Variants in NR5A2 observed in about 807,000 individuals in gnomAD.
The protein encoded by NR5A2 is CYP7A promoter-binding factor.
A neutral mutation model predicts 62.7 loss-of-function variants in NR5A2; 26 were observed. The ratio of observed to expected loss-of-function variants is 0.41; its 90% CI spans 0.30 to 0.58. NR5A2 has a LOEUF of 0.58. Ranked by LOEUF, NR5A2 falls within the 20% of genes least tolerant of loss-of-function variation. NR5A2 has a pLI of 0.22. For missense variants in NR5A2, 541 were observed against 669.1 expected (o/e 0.81, Z 2.11); for synonymous variants, 246 against 241.7 (o/e 1.02, Z -0.16).
chr1:200,167,734 G>A (rs1653971236), intron 7 of NR5A2, among the ~76,000 whole-genome samples: 1 of 152,108 alleles, frequency 6.6e-6, no homozygotes, highest in African/African-American at 2.4e-5. Context: ...CTCCACAAAG[G>A]CTGAGCTGTT....
chr1:200,159,391 T>G (rs1219310828), intron 7 of NR5A2, among the ~76,000 whole-genome samples: 2 of 152,052 alleles, frequency 1.3e-5, no homozygotes, highest in Non-Finnish European at 2.9e-5. Flanking sequence ...ACCAACTCAT[T>G]GCAAAGATGT....
At position 200,061,087 on chromosome 1, in the gene NR5A2, C is replaced by T. The variant is rs1219570023; in HGVS notation, c.1110+12269C>T. ...GTGAGCCAAGATTTGCGCCACTGTG[C>T]TCTAGCCTGGCCAACAGAGCAAAAC... On this transcript the variant is annotated intron_variant, in intron 5 of 7. Transcript: ENST00000367362. Among the ~76,000 whole-genome samples the T allele has an allele frequency of 9.2e-5, 13 of 141,514 alleles. No homozygotes were observed. The Admixed American group carries it at 9.5e-4, about 10-fold the overall frequency. The allele number at this position is 141,514 out of a possible 152,430, so 92.8% of individuals were successfully genotyped here.
intron 6 of NR5A2, among the ~76,000 whole-genome samples, chr1:200,114,065 C>G (rs941588001): frequency 1.3e-5 from 2 of 152,006 alleles, no homozygotes; most frequent in African/African-American, 4.8e-5. Flanking sequence ...CGTCTGTGGT[C>G]CCAGCTACTT....
chr1:200,160,654 C>G (rs1157163947), intron 7 of NR5A2, among the ~76,000 whole-genome samples: 4 of 151,852 alleles, frequency 2.6e-5, no homozygotes, highest in Non-Finnish European at 5.9e-5. Context: ...CCACAGCGCT[C>G]TCTTGTAAAT....
rs3790841 is a variant in NR5A2, at chr1:200,046,755, C to T, written c.463+1171C>T. 4.6e-5 allele frequency among the ~76,000 whole-genome samples: 7 copies of T among 152,284 alleles called. No individual in the cohort carries two copies. The East Asian group carries it at 1.4e-3, about 29-fold the overall frequency. On this transcript the variant is annotated intron_variant, in intron 4 of 7. Coordinates refer to ENST00000367362, the MANE Select transcript of NR5A2 (RefSeq NM_205860.3). ...AAAATATTGTGGTAGATGCTTACTA[C>T]ATACAGTAAGAGACTCAGAAGATAA...
chr1:200,080,882 A>G (rs1664262160), intron 5 of NR5A2, among the ~76,000 whole-genome samples: 1 of 152,220 alleles, frequency 6.6e-6, no homozygotes, highest in Admixed American at 6.5e-5. Context: ...CCCTATTCAT[A>G]TTGCCCTCAG....
At chr1:200,127,709 A>ATATAT (rs59916867) in intron 7 of NR5A2, among the ~76,000 whole-genome samples, 1 of 23,184 alleles carries the variant, frequency 4.3e-5, no homozygotes, top group Non-Finnish European at 7.1e-5. Flanking sequence ...AAAAAAAAAA[A>ATATAT]ATATATATAT....
rs191668070 is a variant in NR5A2 at position 200,135,310 on chromosome 1, C to T, written c.1378+14355C>T. 4.6e-3 allele frequency among the ~76,000 whole-genome samples: 703 copies of T among 152,236 alleles called. 11 individuals are homozygous for T. Among genetic ancestry groups the T allele is most frequent in the South Asian group, 0.019 (92 of 4,828 alleles). ...CCGAGGCAGGTGGATCACCTGAGGTCGCGAGTTCGAGACCAGCCTAGCCAA... is the reference window on the plus strand; with the variant it reads ...CCGAGGCAGGTGGATCACCTGAGGTTGCGAGTTCGAGACCAGCCTAGCCAA... On this transcript the variant is annotated intron_variant, in intron 7 of 7. Transcript: ENST00000367362.
chr1:200,052,804 C>G (rs961170491), intron 5 of NR5A2, among the ~76,000 whole-genome samples: 3 of 151,876 alleles, frequency 2.0e-5, no homozygotes, highest in East Asian at 3.9e-4. Flanking sequence ...ACCACGCCGG[C>G]TAATTTTTTG....
intron 7 of NR5A2, among the ~76,000 whole-genome samples, chr1:200,132,718 T>C (rs370141440): frequency 7.9e-5 from 12 of 152,328 alleles, no homozygotes; most frequent in African/African-American, 2.6e-4. Context: ...CATGTGCTCT[T>C]GGTTGATGTT....
chr1:200,139,862 A>G (rs1478902152), intron 7 of NR5A2, among the ~76,000 whole-genome samples: 1 of 152,220 alleles, frequency 6.6e-6, no homozygotes. Context: ...ACTATAGTAT[A>G]TATCAATGCA....
intron 7 of NR5A2, among the ~76,000 whole-genome samples, chr1:200,131,209 T>A (rs1183790370): frequency 6.6e-6 from 1 of 152,082 alleles, no homozygotes; most frequent in Admixed American, 6.5e-5. Flanking sequence ...TTGTCTTAAT[T>A]AAATGCAGTA....
chr1:200,054,858 C>T (rs1418556057), intron 5 of NR5A2, among the ~76,000 whole-genome samples: 3 of 151,890 alleles, frequency 2.0e-5, no homozygotes, highest in African/African-American at 7.3e-5. Context: ...ATTGAATCTG[C>T]CCCAATTTTA....
intron 5 of NR5A2, among the ~76,000 whole-genome samples, chr1:200,055,732 CAAAG>C (rs1179955647): frequency 2.0e-5 from 3 of 152,056 alleles, no homozygotes; most frequent in African/African-American, 4.8e-5. Flanking sequence ...AAGGATGACA[CAAAG>C]AAAATAAACA....
At position 200,039,742 on chromosome 1, in the gene NR5A2, T is replaced by C; in HGVS notation, c.149T>C (p.Leu50Pro). The C allele has an allele frequency of 6.2e-7, 1 of 1,610,842 alleles. No individual in the cohort carries two copies. The highest frequency in any genetic ancestry group is 1.1e-5 in the South Asian group (1 of 90,914). The change falls in exon 2 of 8, where the codon CTG (leucine) becomes CCG (proline). Residue 50 changes from leucine to proline, a missense_variant. Around this residue, in one of 3 missense-constraint regions of NR5A2, gnomAD observed 108 missense variants for 103.3 expected, o/e 1.05. Transcript: ENST00000367362. This position sits in a 1 kb window ranked among gnomAD's most constrained non-coding sequence, Gnocchi z 5.1. ...VMLPKVETEA[L>P]GLARSHGEQG... The stretch of plus-strand genomic sequence containing the variant: ...CTGCCCAAAGTGGAGACGGAAGCCC[T>C]GGGACTGGCTCGATCGCATGGGGAA...
At chr1:200,165,219 CAG>C (rs1257285160) in intron 7 of NR5A2, among the ~76,000 whole-genome samples, 1 of 151,978 alleles carries the variant, frequency 6.6e-6, no homozygotes, top group Non-Finnish European at 1.5e-5. Flanking sequence ...GCAAAAGGTA[CAG>C]AGACTCCCCA....
At chr1:200,162,668 C>T (rs1457095211) in intron 7 of NR5A2, among the ~76,000 whole-genome samples, 2 of 152,056 alleles carry the variant, frequency 1.3e-5, no homozygotes, top group Non-Finnish European at 2.9e-5. Context: ...GAATAAAGGA[C>T]AGATTCAAGA....
At chr1:200,158,551 A>G (rs1032766096) in intron 7 of NR5A2, among the ~76,000 whole-genome samples, 1 of 152,194 alleles carries the variant, frequency 6.6e-6, no homozygotes, top group Non-Finnish European at 1.5e-5. Flanking sequence ...TGCTGACTTT[A>G]GATAGAATTT....
chr1:200,104,029 G>A (rs1391173427), intron 5 of NR5A2, among the ~76,000 whole-genome samples: 6 of 152,170 alleles, frequency 3.9e-5, no homozygotes, highest in African/African-American at 1.2e-4. Flanking sequence ...GTCCAGATCT[G>A]GCAAAAGGAG....
Sources: allele counts gnomAD v4.1 joint callset (sites outside exome capture counted in the v4.1 genomes callset), GRCh38; gene constraint gnomAD v4.1.1; regional missense constraint gnomAD v4.1.1; non-coding constraint Gnocchi (gnomAD v3.1); transcripts MANE v1.5; gene names NCBI Gene and HGNC (gene_info 2026-07-23, HGNC 2026-07-21).